Variants in ATP6V1C2 observed in about 807,000 individuals in gnomAD.
ATP6V1C2 encodes the protein V-type proton ATPase subunit C 2.
Under a neutral mutation model 56.8 loss-of-function variants are expected in ATP6V1C2, and 45 were observed. The ratio of observed to expected loss-of-function variants is 0.79; its 90% CI spans 0.62 to 1.02. ATP6V1C2 has a LOEUF of 1.02. ATP6V1C2 is among the 50% of genes least tolerant of loss of function. ATP6V1C2 has a pLI of 0.00. For missense variants in ATP6V1C2, 463 were observed against 519.7 expected (o/e 0.89, Z 1.06); for synonymous variants, 220 against 201.3 (o/e 1.09, Z -0.79).
chr2:10,734,809 C>G (rs890123203), intron 3 of ATP6V1C2, among the ~76,000 whole-genome samples: 1 of 152,104 alleles, frequency 6.6e-6, no homozygotes, highest in African/African-American at 2.4e-5. Context: ...CCCTCCTCCC[C>G]GATTGTACTA....
At chr2:10,768,460 G>A (rs1664372019) in intron 5 of ATP6V1C2, among the ~76,000 whole-genome samples, 1 of 152,182 alleles carries the variant, frequency 6.6e-6, no homozygotes, top group African/African-American at 2.4e-5. Context: ...GGGATGTCCC[G>A]ACCGTTCAGG....
At chr2:10,761,238 G>A (rs1313587570) in intron 4 of ATP6V1C2, among the ~76,000 whole-genome samples, 1 of 152,120 alleles carries the variant, frequency 6.6e-6, no homozygotes, top group Non-Finnish European at 1.5e-5. Context: ...GGAAGAGATG[G>A]ATGGGACAGC....
rs751074292 is a variant in ATP6V1C2 at position 10,768,856 on chromosome 2, G to A, written c.470+46G>A. The A allele has an allele frequency of 1.1e-4, 176 of 1,535,750 alleles. 2 individuals carry two copies. In the East Asian group the frequency reaches 3.3e-3, roughly 29 times the overall value. ...ACATCTGGCGGGGGCAGGTCCTGGC[G>A]GGGGCTTAGCGCTTGCCTGTCCTCT... On this transcript the variant is annotated intron_variant, in intron 6 of 13. Transcript: ENST00000272238.
intron 4 of ATP6V1C2, among the ~76,000 whole-genome samples, chr2:10,758,678 T>C (rs1159623154): frequency 1.3e-5 from 2 of 152,132 alleles, no homozygotes; most frequent in African/African-American, 4.8e-5. Context: ...TTCTTTTTCT[T>C]TTTGAGACGG....
At chr2:10,778,986 C>T (rs540763893) in intron 12 of ATP6V1C2, among the ~76,000 whole-genome samples, 37 of 152,304 alleles carry the variant, frequency 2.4e-4, no homozygotes, top group South Asian at 4.1e-4. Flanking sequence ...CCGCAGGGCC[C>T]GAGTGGCTCC....
chr2:10,749,651 T>G (rs998866332), intron 3 of ATP6V1C2, among the ~76,000 whole-genome samples: 1 of 152,050 alleles, frequency 6.6e-6, no homozygotes, highest in African/African-American at 2.4e-5. Flanking sequence ...TTGTTAAAAC[T>G]GTAAATGTTC....
In ATP6V1C2 at chr2:10,764,335, C is replaced by T; in HGVS notation, c.288C>T (p.Asp96=). The change falls in exon 5 of 14, where the codon GAC becomes GAT. Residue 96 remains aspartate, a synonymous_variant. Coordinates refer to ENST00000272238, the MANE Select transcript of ATP6V1C2 (RefSeq NM_001039362.2). ...VQEHLLANGV[D]LTSFVTHFEW... ...AATGTGTTTGTATTCTTCCAGTTGA[C>T]TTAACATCCTTTGTGACCCACTTTG... 6.2e-7 allele frequency: 1 copy of T among 1,612,402 alleles called. No individual in the cohort carries two copies. Among genetic ancestry groups the T allele is most frequent in the Non-Finnish European group, 8.5e-7 (1 of 1,178,374 alleles).
chr2:10,745,746 A>T (rs1274365843), intron 3 of ATP6V1C2, among the ~76,000 whole-genome samples: 2 of 152,272 alleles, frequency 1.3e-5, no homozygotes, highest in East Asian at 3.9e-4. Flanking sequence ...GAAGAACTGA[A>T]ACTGTATTCA....
chr2:10,736,801 C>CTTTTTTTTTTTTTTTT (rs35166388), intron 3 of ATP6V1C2, among the ~76,000 whole-genome samples: 1 of 102,654 alleles, frequency 9.7e-6, no homozygotes, highest in Non-Finnish European at 2.1e-5. Context: ...AGATATTGTG[C>CTTTTTTTTTTTTTTTT]TTTTTTTTTT....
chr2:10,767,119 C>G (rs553272724), intron 5 of ATP6V1C2, among the ~76,000 whole-genome samples: 2 of 148,498 alleles, frequency 1.3e-5, no homozygotes, highest in Admixed American at 1.3e-4. Context: ...TTAAAATCAT[C>G]ACTTTATCTT....
chr2:10,763,207 G>A lies in ATP6V1C2; in HGVS notation c.284-1124G>A, dbSNP rs1009744647. On this transcript the variant is annotated intron_variant, in intron 4 of 13. Transcript: ENST00000272238. This position sits in a 1 kb window ranked among gnomAD's most constrained non-coding sequence, Gnocchi z 4.2. ...ACTCACAGTGCCCCGAGTACGTAGC[G>A]CTGCCAGCCCTCCTCACCTGACACC... Among the ~76,000 whole-genome samples, 5 of 152,086 alleles carry A rather than the reference G, an allele frequency of 3.3e-5. No homozygotes were observed. The highest frequency in any genetic ancestry group is 2.9e-5 in the Non-Finnish European group (2 of 68,004).
intron 5 of ATP6V1C2, chr2:10,767,834 A>T (rs1484989386): frequency 6.6e-6 from 1 of 152,080 alleles, no homozygotes; most frequent in African/African-American, 2.4e-5. Flanking sequence ...AAATTATTTT[A>T]TGATTTTATC....
Position 10,782,235 on chromosome 2 carries a change from C to T in ATP6V1C2, c.1062-8C>T, listed in dbSNP as rs1488034214. ...CAGTGAACTGACACATTTTGTCTAT[C>T]TGAAAAGGTATGGACTACCAGTGAA... is the stretch of plus-strand genomic sequence containing the variant. On this transcript the variant is annotated splice_region_variant and splice_polypyrimidine_tract_variant and intron_variant, in intron 12 of 13. Transcript: ENST00000272238. 1.9e-6 allele frequency: 3 copies of T among 1,613,632 alleles called. No individual in the cohort carries two copies. Among genetic ancestry groups the T allele is most frequent in the African/African-American group, 2.7e-5 (2 of 75,020 alleles).
intron 10 of ATP6V1C2, among the ~76,000 whole-genome samples, chr2:10,776,113 G>A (rs1664952265): frequency 7.4e-6 from 1 of 134,728 alleles, no homozygotes; most frequent in Admixed American, 7.9e-5. Flanking sequence ...CGTCACAAGC[G>A]AGCCCAGCCA....
chr2:10,758,510 C>T (rs1356508879), intron 4 of ATP6V1C2, among the ~76,000 whole-genome samples: 1 of 152,052 alleles, frequency 6.6e-6, no homozygotes, highest in Non-Finnish European at 1.5e-5. Flanking sequence ...TGCCTGGGGC[C>T]GGGAGTTCGA....
At chr2:10,772,452 C>G in intron 7 of ATP6V1C2, 90 bp from the exon 8 acceptor site, 1 of 1,119,032 alleles carries the variant, frequency 8.9e-7, no homozygotes, top group African/African-American at 1.5e-5. Flanking sequence ...TTCAGGCCTT[C>G]AGGAAAAGGG....
chr2:10,768,876 T>C, intron 6 of ATP6V1C2, 66 bp downstream of exon 6: 1 of 1,351,472 alleles, frequency 7.4e-7, no homozygotes, highest in Non-Finnish European at 1.1e-6. Context: ...CGCTTGCCTG[T>C]CCTCTCACTG....
intron 13 of ATP6V1C2, among the ~76,000 whole-genome samples, chr2:10,782,850 AAAAAAAAAAAAAAT>A (rs1665463776): frequency 2.0e-5 from 3 of 148,720 alleles, no homozygotes; most frequent in African/African-American, 7.6e-5. Flanking sequence ...AAAAAAAAAA[AAAAAAAAAAAAAAT>A]TTGCCAGGAG....
At position 10,783,865 on chromosome 2, in the gene ATP6V1C2, T is replaced by C. The variant is rs16856645; in HGVS notation, c.*602T>C. On this transcript the variant is annotated 3_prime_UTR_variant, in exon 14 of 14. Coordinates refer to ENST00000272238, the MANE Select transcript of ATP6V1C2 (RefSeq NM_001039362.2). The stretch of plus-strand genomic sequence containing the variant: ...TACTAACTTCATACATTTATCGGCA[T>C]TGTCCAAAATATTTTATTCTTTAAT... 0.077 allele frequency: 12,452 copies of C among 160,748 alleles called. 1,716 individuals carry two copies. Among genetic ancestry groups the C allele is most frequent in the African/African-American group, 0.28 (11,819 of 41,642 alleles). The allele number at this position is 160,748 out of a possible 1,614,324, so 10.0% of individuals were successfully genotyped here.
Sources: allele counts gnomAD v4.1 joint callset (sites outside exome capture counted in the v4.1 genomes callset), GRCh38; gene constraint gnomAD v4.1.1; non-coding constraint Gnocchi (gnomAD v3.1); transcripts MANE v1.5; gene names NCBI Gene and HGNC (gene_info 2026-07-23, HGNC 2026-07-21).